Variants in ARMH3 observed in about 807,000 individuals in gnomAD.
The protein encoded by ARMH3 is armadillo-like helical domain-containing protein 3.
A neutral mutation model predicts 99.1 loss-of-function variants in ARMH3; 60 were observed. The ratio of observed to expected loss-of-function variants is 0.61; its 90% CI spans 0.49 to 0.75. The LOEUF is 0.75. Among genes scored for constraint, ARMH3 ranks in the 30% least tolerant of loss-of-function variants. The pLI is 0.00. For synonymous variants in ARMH3, 285 were observed against 292.8 expected (o/e 0.97, Z 0.27); for missense variants, 679 against 843.1 (o/e 0.81, Z 2.41).
intron 24 of ARMH3, among the ~76,000 whole-genome samples, chr10:101,872,659 A>T (rs1348307019): frequency 6.6e-6 from 1 of 152,098 alleles, no homozygotes; most frequent in African/African-American, 2.4e-5. Context: ...TAATAATATT[A>T]AAAAGTTGTA....
Position 101,982,365 on chromosome 10 carries a change from G to A in ARMH3, c.1407-7065C>T, listed in dbSNP as rs552974524. On this transcript the variant is annotated intron_variant, in intron 19 of 25. Coordinates refer to ENST00000370033, the MANE Select transcript of ARMH3 (RefSeq NM_024541.3). Reference sequence around the variant, plus strand: ...TGCGCCATTGCACTCCAGCCTAGATGCCAGAGTAAGACTGTCTCAAAAAAA... The same window carrying A: ...TGCGCCATTGCACTCCAGCCTAGATACCAGAGTAAGACTGTCTCAAAAAAA... Among the ~76,000 whole-genome samples, 7 of 152,234 alleles carry A rather than the reference G, an allele frequency of 4.6e-5. No homozygotes were observed. In the South Asian group the frequency reaches 1.2e-3, roughly 27 times the overall value.
At chr10:101,916,871 A>G (rs1376394127) in intron 23 of ARMH3, among the ~76,000 whole-genome samples, 2 of 152,184 alleles carry the variant, frequency 1.3e-5, no homozygotes, top group African/African-American at 4.8e-5. Context: ...TGGGACGTCC[A>G]TCTTCTCTTG....
intron 2 of ARMH3, among the ~76,000 whole-genome samples, chr10:102,035,620 G>A (rs2067237261): frequency 6.6e-6 from 1 of 152,258 alleles, no homozygotes. Flanking sequence ...TGGCCGGGCT[G>A]GTCTCCAGCT....
chr10:102,055,826 G>C (rs1241016082), intron 1 of ARMH3, among the ~76,000 whole-genome samples: 1 of 152,204 alleles, frequency 6.6e-6, no homozygotes, highest in African/African-American at 2.4e-5. Context: ...ACGTGACCGG[G>C]ACCGTGTGGT....
At position 101,956,691 on chromosome 10, in the gene ARMH3, A is replaced by G. The variant is rs1845055708; in HGVS notation, c.1611T>C (p.Tyr537=). 1.2e-6 allele frequency: 2 copies of G among 1,613,552 alleles called. No individual in the cohort carries two copies. Among genetic ancestry groups the G allele is most frequent in the African/African-American group, 1.3e-5 (1 of 74,914 alleles). ...TGGGGGTTGGCAGAAATGTGTCGCC[A>G]TATGTGATAAACATATTAAATAGGT... The part of the protein sequence containing the change: ...IVNLFNMFIT[Y]GDTFLPTPSS... Residue 537 remains tyrosine (Y), a synonymous_variant, in exon 22 of 26, where the codon TAT becomes TAC. Transcript: ENST00000370033.
chr10:102,036,281 G>A (rs1163644042), intron 2 of ARMH3, among the ~76,000 whole-genome samples: 6 of 127,164 alleles, frequency 4.7e-5, no homozygotes, highest in East Asian at 2.6e-4. Flanking sequence ...CCCGGCCGCC[G>A]CCCCGTCCAG....
rs1416856415 is a variant in ARMH3 at position 102,012,818 on chromosome 10, G to T, written c.770+15C>A. On this transcript the variant is annotated intron_variant, in intron 10 of 25. Coordinates refer to ENST00000370033, the MANE Select transcript of ARMH3 (RefSeq NM_024541.3). ...GAAAATCAGACCCCCTTCCATTCTG[G>T]AAAGGTGGACTTACCTGTTGTACTC... 6.2e-7 allele frequency: 1 copy of T among 1,603,608 alleles called. No homozygotes were observed. The highest frequency in any genetic ancestry group is 1.7e-5 in the Admixed American group (1 of 59,216).
chr10:102,022,526 C>G (rs1186683031), intron 8 of ARMH3, among the ~76,000 whole-genome samples: 1 of 148,980 alleles, frequency 6.7e-6, no homozygotes, highest in Non-Finnish European at 1.5e-5. Flanking sequence ...TTCCCAGGTT[C>G]CTGTTTCCCC....
At chr10:101,945,492 TG>T (rs1844474187) in intron 22 of ARMH3, among the ~76,000 whole-genome samples, 1 of 151,732 alleles carries the variant, frequency 6.6e-6, no homozygotes, top group Non-Finnish European at 1.5e-5. Context: ...CTGAGGCGGG[TG>T]GATCACCTAA....
Position 102,006,619 on chromosome 10 carries a change from C to T in ARMH3, c.969G>A (p.Met323Ile). The T allele has an allele frequency of 6.2e-7, 1 of 1,613,910 alleles. No individual in the cohort carries two copies. Among genetic ancestry groups the T allele is most frequent in the Non-Finnish European group, 8.5e-7 (1 of 1,179,866 alleles). The change falls in exon 14 of 26, where the codon ATG becomes ATA. Residue 323 changes from methionine to isoleucine, a missense_variant. Met to Ile is a conservative substitution (Grantham distance 10). Around this residue, in one of 3 missense-constraint regions of ARMH3, gnomAD observed 389 missense variants for 456.5 expected, o/e 0.85. Transcript: ENST00000370033. Reference sequence around the variant, plus strand: ...GACTGACAGGGGTCGTCACCAAGCCCATTTCTGGATGGCTCTGAAAAAGAT... The same window carrying T: ...GACTGACAGGGGTCGTCACCAAGCCTATTTCTGGATGGCTCTGAAAAAGAT... ...ITVLAQSHPEMGLVTTPVSPA... is the reference protein window; with the variant it reads ...ITVLAQSHPEIGLVTTPVSPA...
At chr10:101,998,035 T>A (rs913356470) in intron 15 of ARMH3, among the ~76,000 whole-genome samples, 1 of 152,194 alleles carries the variant, frequency 6.6e-6, no homozygotes. Flanking sequence ...TTTGCCATAT[T>A]TAGGTTGCCT....
At chr10:102,040,209 A>C (rs2067377093) in intron 1 of ARMH3, 84 bp from the exon 2 acceptor site, 2 of 1,163,806 alleles carry the variant, frequency 1.7e-6, no homozygotes, top group African/African-American at 3.0e-5. Context: ...ACATTTGTCC[A>C]AGCCCATAGA....
intron 24 of ARMH3, among the ~76,000 whole-genome samples, chr10:101,870,531 C>T (rs1049951610): frequency 5.9e-5 from 9 of 152,086 alleles, no homozygotes; most frequent in Non-Finnish European, 1.0e-4. Context: ...TGTGGCTATT[C>T]ACCATATAAT....
intron 23 of ARMH3, among the ~76,000 whole-genome samples, chr10:101,917,886 A>G (rs576637806): frequency 1.8e-4 from 27 of 152,206 alleles, no homozygotes; most frequent in Non-Finnish European, 3.5e-4. Context: ...GCAGCATCCC[A>G]GGAAATAACA....
chr10:101,893,814 C>A (rs993237611), intron 23 of ARMH3, among the ~76,000 whole-genome samples: 3 of 152,130 alleles, frequency 2.0e-5, no homozygotes, highest in African/African-American at 7.2e-5. Context: ...ACACTTGTTT[C>A]CTTCCCTTCT....
In ARMH3 at chr10:101,975,299, G is replaced by A. The variant is rs771903159; in HGVS notation, c.1408C>T (p.Arg470Cys). 8.7e-6 allele frequency: 14 copies of A among 1,611,560 alleles called. No homozygotes were observed. Among genetic ancestry groups the A allele is most frequent in the Admixed American group, 3.3e-5 (2 of 59,928 alleles). Reference sequence around the variant, plus strand: ...AGTTTGTGTACTACCTGGATGCAGCGTCTGTAACAGGGAAAGCAAAAAATG... The same window carrying A: ...AGTTTGTGTACTACCTGGATGCAGCATCTGTAACAGGGAAAGCAAAAAATG... ...MKEFPMDLYI[R>C]CIQVVHKLLC... Residue 470 changes from arginine to cysteine, a missense_variant and splice_region_variant, in exon 20 of 26, where the codon CGC (arginine) becomes TGC (cysteine). This residue lies in a region of ARMH3 where 389 missense variants were observed against 456.5 expected (regional missense o/e 0.85). Transcript: ENST00000370033.
At chr10:101,873,267 C>T (rs1258552769) in intron 24 of ARMH3, among the ~76,000 whole-genome samples, 1 of 151,350 alleles carries the variant, frequency 6.6e-6, no homozygotes, top group Non-Finnish European at 1.5e-5. Flanking sequence ...AAAAAATTAG[C>T]TGGGCGTGGT....
intron 24 of ARMH3, among the ~76,000 whole-genome samples, chr10:101,865,485 C>T (rs942651067): frequency 3.9e-5 from 6 of 151,910 alleles, no homozygotes; most frequent in African/African-American, 1.2e-4. Context: ...TACTGTACTA[C>T]CGTAATTTTT....
At chr10:101,936,256 G>A (rs1363456427) in intron 23 of ARMH3, among the ~76,000 whole-genome samples, 2 of 152,128 alleles carry the variant, frequency 1.3e-5, no homozygotes, top group Non-Finnish European at 2.9e-5. Context: ...CACTTTGGGA[G>A]GCCGAGGTGG....
Sources: gnomAD v4.1 joint callset for allele counts (sites outside exome capture counted in the v4.1 genomes callset) on GRCh38, gnomAD v4.1.1 for gene constraint, gnomAD v4.1.1 regional missense constraint, MANE v1.5 for transcripts, NCBI Gene and HGNC (gene_info 2026-07-23, HGNC 2026-07-21) for gene names.